The following NOX4 variants were observed in gnomAD, a reference collection of about 807,000 sequenced individuals.
NOX4 encodes the protein NADPH oxidase 4, also known as kidney oxidase-1.
A neutral mutation model predicts 87.6 loss-of-function variants in NOX4; 69 were observed. That is an observed-to-expected ratio of 0.79 (90% confidence interval 0.65 to 0.96). The LOEUF is 0.96. NOX4 is among the 40% of genes least tolerant of loss of function. NOX4 has a pLI of 0.00. For missense variants in NOX4, 680 were observed against 681.5 expected, an observed-to-expected ratio of 1.00 and a Z score of 0.02; for synonymous variants, 275 against 238.2, an observed-to-expected ratio of 1.15 and a Z score of -1.42.
the NOX4 span, among the ~76,000 whole-genome samples, chr11:89,503,284 TA>T: frequency 6.6e-6 from 1 of 151,966 alleles, no homozygotes; most frequent in African/African-American, 2.4e-5. Context: ...GACTCTCCCA[TA>T]CAGACTAATT....
chr11:89,398,603 A>G (rs1285094072), intron 11 of NOX4, among the ~76,000 whole-genome samples: 4 of 151,220 alleles, frequency 2.6e-5, no homozygotes, highest in African/African-American at 4.8e-5. Flanking sequence ...AATTTCATGT[A>G]TATGGGATGT....
At chr11:89,338,795 G>A (rs1032681446) in intron 15 of NOX4, among the ~76,000 whole-genome samples, 2 of 152,048 alleles carry the variant, frequency 1.3e-5, no homozygotes, top group African/African-American at 2.4e-5. Context: ...AGTCAAGTCT[G>A]CTCAAATGGC....
intron 7 of NOX4, among the ~76,000 whole-genome samples, chr11:89,423,667 A>G (rs758505617): frequency 8.5e-5 from 13 of 152,118 alleles, no homozygotes; most frequent in Non-Finnish European, 1.8e-4. Flanking sequence ...TACCCCAGAC[A>G]AACTTTGGAA....
chr11:89,510,259 C>A, the NOX4 span, among the ~76,000 whole-genome samples: 5 of 152,000 alleles, frequency 3.3e-5, no homozygotes, highest in Non-Finnish European at 7.4e-5. Flanking sequence ...GAAGAAAATT[C>A]CTCATAAATC....
intron 8 of NOX4, among the ~76,000 whole-genome samples, chr11:89,416,447 A>G (rs1206358848): frequency 6.6e-6 from 1 of 152,212 alleles, no homozygotes; most frequent in Non-Finnish European, 1.5e-5. Flanking sequence ...AAAAGGGAAG[A>G]TACTTGGGTA....
intron 6 of NOX4, among the ~76,000 whole-genome samples, chr11:89,438,764 AT>A (rs1944249011): frequency 1.4e-5 from 1 of 70,400 alleles, no homozygotes; most frequent in Non-Finnish European, 2.4e-5. Context: ...ATAATATAAT[AT>A]AATATAATAA....
At chr11:89,378,078 A>C (rs563341837) in intron 11 of NOX4, among the ~76,000 whole-genome samples, 1 of 152,270 alleles carries the variant, frequency 6.6e-6, no homozygotes, top group African/African-American at 2.4e-5. Flanking sequence ...GGCTTCCCAA[A>C]GAAAATGTCT....
At chr11:89,578,055 T>A in the NOX4 span, among the ~76,000 whole-genome samples, 1 of 152,246 alleles carries the variant, frequency 6.6e-6, no homozygotes, top group African/African-American at 2.4e-5. Flanking sequence ...GGAGGTGAGT[T>A]TTTGTGGCTC....
In NOX4 at chr11:89,325,675, C is replaced by T. The variant is rs1283938419; in HGVS notation, c.*1081G>A. 1 of 151,996 alleles carries T rather than the reference C, an allele frequency of 6.6e-6. No individual in the cohort carries two copies. Among genetic ancestry groups the T allele is most frequent in the Non-Finnish European group, 1.5e-5 (1 of 68,004 alleles). 9.4% of individuals were successfully genotyped at this position (151,996 alleles called of 1,614,324 possible). On this transcript the variant is annotated 3_prime_UTR_variant, in exon 18 of 18. Transcript: ENST00000263317. ...CTGTTCAGGAATATGACTAGACTTT[C>T]AATGTCTCCATCATAAACCAATGTG...
chr11:89,383,113 T>A (rs908220632), intron 11 of NOX4, among the ~76,000 whole-genome samples: 1 of 152,270 alleles, frequency 6.6e-6, no homozygotes, highest in Non-Finnish European at 1.5e-5. Context: ...GCCTTCAAGA[T>A]GTTCAATAAC....
intron 11 of NOX4, among the ~76,000 whole-genome samples, chr11:89,388,453 C>G (rs1231100599): frequency 1.3e-5 from 2 of 152,156 alleles, no homozygotes; most frequent in African/African-American, 4.8e-5. Flanking sequence ...CCCCTGACTT[C>G]AAGACAGGAC....
At chr11:89,351,727 T>C (rs1441230849) in intron 13 of NOX4, among the ~76,000 whole-genome samples, 1 of 152,032 alleles carries the variant, frequency 6.6e-6, no homozygotes, top group Non-Finnish European at 1.5e-5. Flanking sequence ...TGTTTATAGA[T>C]AGCATGGTTT....
At chr11:89,427,186 A>G (rs1392795923) in intron 7 of NOX4, among the ~76,000 whole-genome samples, 1 of 152,186 alleles carries the variant, frequency 6.6e-6, no homozygotes, top group African/African-American at 2.4e-5. Context: ...GAAAACTAAC[A>G]AACAGAAAAG....
intron 8 of NOX4, among the ~76,000 whole-genome samples, chr11:89,416,590 C>T (rs1318472881): frequency 2.0e-5 from 3 of 152,130 alleles, no homozygotes; most frequent in Admixed American, 2.0e-4. Context: ...AATAAGCCGA[C>T]CCCCACAATA....
chr11:89,414,451 G>T lies in NOX4; in HGVS notation c.629+7451C>A, dbSNP rs1406525108. Among the ~76,000 whole-genome samples the T allele has an allele frequency of 2.0e-5, 3 of 151,460 alleles. No individual in the cohort carries two copies. In the East Asian group the frequency reaches 5.8e-4, roughly 29 times the overall value. ...ATATATTTTCCCCATTGCTTTCTTT[G>T]CTATGTTTTGACTTAATCCTTTTAT... is the stretch of plus-strand genomic sequence containing the variant. On this transcript the variant is annotated intron_variant, in intron 8 of 17. Coordinates refer to ENST00000263317, the MANE Select transcript of NOX4 (RefSeq NM_016931.5).
chr11:89,452,083 T>G (rs1254464702), intron 2 of NOX4, among the ~76,000 whole-genome samples, 188 bp from the exon 3 acceptor site: 1 of 152,190 alleles, frequency 6.6e-6, no homozygotes, highest in Non-Finnish European at 1.5e-5. Flanking sequence ...TTCTTTCTGT[T>G]CTGCACTGCC....
chr11:89,488,095 T>C (rs968571003), intron 2 of NOX4, among the ~76,000 whole-genome samples: 12 of 152,082 alleles, frequency 7.9e-5, no homozygotes, highest in Non-Finnish European at 5.9e-5. Flanking sequence ...AGAAAGACCA[T>C]TCCTGTCCAC....
At chr11:89,384,985 T>C (rs1280846977) in intron 11 of NOX4, among the ~76,000 whole-genome samples, 1 of 152,164 alleles carries the variant, frequency 6.6e-6, no homozygotes, top group South Asian at 2.1e-4. Context: ...CCAGGCCTAA[T>C]TGCCACTCAT....
At chr11:89,398,514 C>T (rs1310206905) in intron 11 of NOX4, among the ~76,000 whole-genome samples, 3 of 151,638 alleles carry the variant, frequency 2.0e-5, no homozygotes, top group African/African-American at 7.3e-5. Context: ...GGCAAAACTT[C>T]TTAAGTTATT....
Sources: gnomAD v4.1 joint callset for allele counts (sites outside exome capture counted in the v4.1 genomes callset) on GRCh38, gnomAD v4.1.1 for gene constraint, MANE v1.5 for transcripts, NCBI Gene and HGNC (gene_info 2026-07-23, HGNC 2026-07-21) for gene names.